Variants in ABTB2 observed in about 807,000 individuals in gnomAD.
The protein encoded by ABTB2 is ankyrin repeat and BTB/POZ domain-containing protein 2.
In ABTB2, 56 loss-of-function variants were observed where a neutral mutation model predicts 104.1. The observed-to-expected ratio is 0.54, with a 90% confidence interval of 0.43 to 0.67. The LOEUF (loss-of-function observed/expected upper bound fraction) is 0.67, where lower values mean the gene tolerates loss of function less well. Among genes scored for constraint, ABTB2 ranks in the 30% least tolerant of loss-of-function variants. The pLI, the probability that ABTB2 is intolerant of heterozygous loss-of-function variation, is 0.00. For synonymous variants in ABTB2, 606 were observed against 608.2 expected (o/e 1.00, Z 0.05); for missense variants, 1,279 against 1,407.7 (o/e 0.91, Z 1.46).
At position 34,151,009 on chromosome 11, in the gene ABTB2, G is replaced by A. The variant is rs1222912232; in HGVS notation, c.*1378C>T. The stretch of plus-strand genomic sequence containing the variant: ...AGGTCATTGTTAATGAGTGTTTATT[G>A]TTAATAAAACCATAGTACATTTACA... On this transcript the variant is annotated 3_prime_UTR_variant, in exon 17 of 17. Coordinates refer to ENST00000435224, the MANE Select transcript of ABTB2 (RefSeq NM_145804.3). 2 of 152,878 alleles carry A rather than the reference G, an allele frequency of 1.3e-5. No homozygotes were observed. The highest frequency in any genetic ancestry group is 6.5e-5 in the Admixed American group (1 of 15,304). The allele number at this position is 152,878 out of a possible 1,614,324, so 9.5% of individuals were successfully genotyped here.
rs542568114 is a variant in ABTB2, at chr11:34,339,362, A to G, written c.883+17339T>C. On this transcript the variant is annotated intron_variant, in intron 1 of 16. Coordinates refer to ENST00000435224, the MANE Select transcript of ABTB2 (RefSeq NM_145804.3). ...GCTAGAGGTCACCACACCCCACTCCACACCACATCCTTCTGAGGCCTGAGG... is the reference window on the plus strand; with the variant it reads ...GCTAGAGGTCACCACACCCCACTCCGCACCACATCCTTCTGAGGCCTGAGG... Among the ~76,000 whole-genome samples, 5 of 152,328 alleles carry G rather than the reference A, an allele frequency of 3.3e-5. No individual in the cohort carries two copies. In the South Asian group the frequency reaches 1.0e-3, roughly 32 times the overall value.
intron 1 of ABTB2, among the ~76,000 whole-genome samples, chr11:34,263,887 A>G (rs1019560940): frequency 6.6e-6 from 1 of 152,140 alleles, no homozygotes. Context: ...GGAGGTTGCA[A>G]TTTGTGGCAC....
At chr11:34,206,846 G>A (rs1182138951) in intron 1 of ABTB2, among the ~76,000 whole-genome samples, 1 of 152,178 alleles carries the variant, frequency 6.6e-6, no homozygotes, top group East Asian at 1.9e-4. Context: ...CCTGGCTGAT[G>A]TGGTGAAGGC....
intron 3 of ABTB2, among the ~76,000 whole-genome samples, chr11:34,176,596 C>T (rs1013756225): frequency 3.9e-5 from 6 of 152,166 alleles, no homozygotes; most frequent in African/African-American, 1.4e-4. Flanking sequence ...AAGCTATGAT[C>T]GCACCACTCC....
intron 1 of ABTB2, among the ~76,000 whole-genome samples, chr11:34,312,231 A>G (rs560633690): frequency 6.6e-6 from 1 of 152,328 alleles, no homozygotes; most frequent in East Asian, 1.9e-4. Flanking sequence ...TCAACCTGAC[A>G]CAGCATCTCC....
At position 34,204,657 on chromosome 11, in the gene ABTB2, T is replaced by A; in HGVS notation, c.917A>T (p.Tyr306Phe). 6.2e-7 allele frequency: 1 copy of A among 1,613,968 alleles called. No homozygotes were observed. The highest frequency in any genetic ancestry group is 8.5e-7 in the Non-Finnish European group (1 of 1,179,968). Residue 306 changes from tyrosine (Y) to phenylalanine (F), a missense_variant, in exon 2 of 17, where the codon TAC becomes TTC. Tyr to Phe is a conservative substitution (Grantham distance 22, BLOSUM62 3). Transcript: ENST00000435224. ...VLSLPAYFSP[Y>F]NGGSLGHDER... is the part of the protein sequence containing the mutation. Reference sequence around the variant, plus strand: ...GTCATGGCCCAGGGACCCGCCGTTGTAGGGGCTGAAGTATGCGGGGAGGGA... The same window carrying A: ...GTCATGGCCCAGGGACCCGCCGTTGAAGGGGCTGAAGTATGCGGGGAGGGA...
intron 1 of ABTB2, among the ~76,000 whole-genome samples, chr11:34,208,947 C>A (rs922568526): frequency 6.6e-6 from 1 of 152,200 alleles, no homozygotes; most frequent in Non-Finnish European, 1.5e-5. Context: ...ACCCCCTTCC[C>A]CTTACTCTGG....
At chr11:34,273,548 C>T (rs1193162677) in intron 1 of ABTB2, among the ~76,000 whole-genome samples, 2 of 152,126 alleles carry the variant, frequency 1.3e-5, no homozygotes, top group Non-Finnish European at 2.9e-5. Flanking sequence ...TTAAAGACTC[C>T]TCCTCCATCT....
At chr11:34,317,788 G>A (rs1238613640) in intron 1 of ABTB2, among the ~76,000 whole-genome samples, 1 of 148,634 alleles carries the variant, frequency 6.7e-6, no homozygotes, top group Non-Finnish European at 1.5e-5. Context: ...AATTAATAAC[G>A]GCTTTTTAAA....
intron 1 of ABTB2, among the ~76,000 whole-genome samples, chr11:34,296,327 G>C (rs1564926371): frequency 6.6e-6 from 1 of 152,026 alleles, no homozygotes; most frequent in Non-Finnish European, 1.5e-5. Context: ...AGGGGAGGGA[G>C]ACAAGGAGGA....
At chr11:34,203,957 C>G (rs1451747727) in intron 2 of ABTB2, among the ~76,000 whole-genome samples, 1 of 152,156 alleles carries the variant, frequency 6.6e-6, no homozygotes. Flanking sequence ...AGCTCAGGAG[C>G]TGGCATGGGA....
chr11:34,300,717 G>T (rs35341535), intron 1 of ABTB2, among the ~76,000 whole-genome samples: 2,575 of 152,230 alleles, frequency 0.017, 69 homozygotes, highest in African/African-American at 0.058. Context: ...AGAAAACTGG[G>T]GGGTGGGGGA....
At position 34,152,166 on chromosome 11, in the gene ABTB2, C is replaced by T. The variant is rs897941275; in HGVS notation, c.*221G>A. The T allele has an allele frequency of 3.5e-6, 2 of 573,498 alleles. No homozygotes were observed. Among genetic ancestry groups the T allele is most frequent in the South Asian group, 2.0e-5 (1 of 48,950 alleles). The allele number at this position is 573,498 out of a possible 1,614,324, so 35.5% of individuals were successfully genotyped here. A position where few individuals can be genotyped will look rare whatever the true frequency, so the allele number is the denominator to read the frequency against. On this transcript the variant is annotated 3_prime_UTR_variant, in exon 17 of 17. Coordinates refer to ENST00000435224, the MANE Select transcript of ABTB2 (RefSeq NM_145804.3). ...TGCAAACTGAGATGGGGAGGAGGGCCACCAGTTAGCTACATCTCCCCTTTG... is the reference window on the plus strand; with the variant it reads ...TGCAAACTGAGATGGGGAGGAGGGCTACCAGTTAGCTACATCTCCCCTTTG...
chr11:34,153,589 C>T (rs1374558116), intron 16 of ABTB2, among the ~76,000 whole-genome samples: 1 of 152,210 alleles, frequency 6.6e-6, no homozygotes, highest in Non-Finnish European at 1.5e-5. Context: ...ACTCCTGGTC[C>T]TGCCTCATCC....
chr11:34,163,065 C>G (rs1308968773), intron 9 of ABTB2, among the ~76,000 whole-genome samples: 1 of 152,196 alleles, frequency 6.6e-6, no homozygotes, highest in Non-Finnish European at 1.5e-5. Flanking sequence ...GGCTTCGGGG[C>G]TGAGCGAGCT....
At chr11:34,156,973 C>T (rs1227988258) in intron 14 of ABTB2, among the ~76,000 whole-genome samples, 4 of 152,064 alleles carry the variant, frequency 2.6e-5, no homozygotes, top group Admixed American at 6.5e-5. Context: ...ACACTGTATC[C>T]GACAGTACTG....
rs115197515 is a variant in ABTB2 at position 34,299,168 on chromosome 11, G to T, written c.883+57533C>A. On this transcript the variant is annotated intron_variant, in intron 1 of 16. Coordinates refer to ENST00000435224, the MANE Select transcript of ABTB2 (RefSeq NM_145804.3). ...GATTGTAAAATAGGAAGAACTAAAAGAATCAAAGTCAAAGTAGGTAAAAAG... is the reference window on the plus strand; with the variant it reads ...GATTGTAAAATAGGAAGAACTAAAATAATCAAAGTCAAAGTAGGTAAAAAG... Among the ~76,000 whole-genome samples the T allele has an allele frequency of 3.2e-3, 480 of 152,282 alleles. 2 individuals are homozygous for T. The highest frequency in any genetic ancestry group is 0.01 in the African/African-American group (433 of 41,572).
chr11:34,262,634 A>C (rs918431402), intron 1 of ABTB2, among the ~76,000 whole-genome samples: 1 of 152,194 alleles, frequency 6.6e-6, no homozygotes, highest in Admixed American at 6.5e-5. Flanking sequence ...GCCTTGATAA[A>C]TTACAAGGCC....
At chr11:34,227,148 C>A (rs1340940823) in intron 1 of ABTB2, among the ~76,000 whole-genome samples, 1 of 151,980 alleles carries the variant, frequency 6.6e-6, no homozygotes, top group African/African-American at 2.4e-5. Flanking sequence ...GTGGCGCACA[C>A]CTGTAATCCC....
Sources: allele counts gnomAD v4.1 joint callset (sites outside exome capture counted in the v4.1 genomes callset), GRCh38; gene constraint gnomAD v4.1.1; transcripts MANE v1.5; gene names NCBI Gene and HGNC (gene_info 2026-07-23, HGNC 2026-07-21).